KCNQ1OT1: variants seen among roughly 807,000 people sequenced by gnomAD.
KCNQ1OT1 encodes the protein KCNQ1 antisense RNA 2 (non-protein coding).
rs954873286 is a variant in KCNQ1OT1 at position 2,658,674 on chromosome 11, G to A, written n.41321C>T. ...TCATTGCTTCAGTCTCCTCTCAGTG[G>A]ACAGAGCTAGGAAATATATGTATGT... On this transcript the variant is annotated non_coding_transcript_exon_variant, in exon 1 of 1. Transcript: ENST00000597346. The surrounding 1 kb of genome is among the most constrained non-coding windows in gnomAD (Gnocchi z 4.9). 7.5e-6 allele frequency: 3 copies of A among 398,416 alleles called. No individual in the cohort carries two copies. Among genetic ancestry groups the A allele is most frequent in the Non-Finnish European group, 1.3e-5 (3 of 226,022 alleles). 24.7% of individuals were successfully genotyped at this position (398,416 alleles called of 1,614,324 possible).
rs1261898235 is a variant in KCNQ1OT1, at chr11:2,645,334, T to A, written n.54661A>T. The A allele has an allele frequency of 2.5e-6, 1 of 398,486 alleles. No individual in the cohort carries two copies. Among genetic ancestry groups the A allele is most frequent in the African/African-American group, 2.1e-5 (1 of 48,570 alleles). 24.7% of individuals were successfully genotyped at this position (398,486 alleles called of 1,614,324 possible). A position where few individuals can be genotyped will look rare whatever the true frequency, so the allele number is the denominator to read the frequency against. ...AACAATACTGGATAGGGCAGGGTGA[T>A]CCCTAGGCCCAGAGATGGTATGCGC... On this transcript the variant is annotated non_coding_transcript_exon_variant, in exon 1 of 1. Transcript: ENST00000597346. This position sits in a 1 kb window ranked among gnomAD's most constrained non-coding sequence, Gnocchi z 5.8.
chr11:2,617,612 T>C lies in KCNQ1OT1; in HGVS notation n.82383A>G. On this transcript the variant is annotated non_coding_transcript_exon_variant, in exon 1 of 1. Coordinates refer to ENST00000597346, the Ensembl canonical transcript of KCNQ1OT1. The surrounding 1 kb of genome is among the most constrained non-coding windows in gnomAD (Gnocchi z 4.6). Reference sequence around the variant, plus strand: ...GATTAGTGGGTCAGATGATAGTATATTTTCAATTTCTTTAGGAGCCACCAT... The same window carrying C: ...GATTAGTGGGTCAGATGATAGTATACTTTCAATTTCTTTAGGAGCCACCAT... 2 of 398,456 alleles carry C rather than the reference T, an allele frequency of 5.0e-6. No individual in the cohort carries two copies. Among genetic ancestry groups the C allele is most frequent in the South Asian group, 1.3e-4 (1 of 7,860 alleles). The allele number at this position is 398,456 out of a possible 1,614,324, so 24.7% of individuals were successfully genotyped here.
rs987546627 is a variant in KCNQ1OT1 at position 2,663,815 on chromosome 11, T to C, written n.36180A>G. ...AAATCACCACTATGGGGGTGAGGGC[T>C]GCCAGTGCTGGTATCAGCACATGCC... On this transcript the variant is annotated non_coding_transcript_exon_variant, in exon 1 of 1. Coordinates refer to ENST00000597346, the Ensembl canonical transcript of KCNQ1OT1. The surrounding 1 kb of genome is among the most constrained non-coding windows in gnomAD (Gnocchi z 5.2). The C allele has an allele frequency of 2.5e-6, 1 of 398,686 alleles. No homozygotes were observed. The highest frequency in any genetic ancestry group is 1.3e-4 in the South Asian group (1 of 7,854). 24.7% of individuals were successfully genotyped at this position (398,686 alleles called of 1,614,324 possible). A position where few individuals can be genotyped will look rare whatever the true frequency, so the allele number is the denominator to read the frequency against.
In KCNQ1OT1 at chr11:2,683,956, TTTAC is replaced by T. The variant is rs1262351898; in HGVS notation, n.16035_16038del. ...AGTCAGACAAAACCAGCTGACTGCTTTTACTTTTTTTTTTTTTTCATTTAGAAGA... is the reference window on the plus strand; with the variant it reads ...AGTCAGACAAAACCAGCTGACTGCTTTTTTTTTTTTTTTTCATTTAGAAGA... On this transcript the variant is annotated non_coding_transcript_exon_variant, in exon 1 of 1. Transcript: ENST00000597346. This position sits in a 1 kb window ranked among gnomAD's most constrained non-coding sequence, Gnocchi z 4.7. 2.5e-6 allele frequency: 1 copy of T among 396,162 alleles called. No individual in the cohort carries two copies. The highest frequency in any genetic ancestry group is 4.4e-6 in the Non-Finnish European group (1 of 225,828). The allele number at this position is 396,162 out of a possible 1,614,324, so 24.5% of individuals were successfully genotyped here.
rs1471269455 is a variant in KCNQ1OT1, at chr11:2,620,185, G to A, written n.79810C>T. 2.6e-5 allele frequency: 10 copies of A among 387,658 alleles called. No individual in the cohort carries two copies. The highest frequency in any genetic ancestry group is 4.5e-5 in the Admixed American group (1 of 22,232). 24.0% of individuals were successfully genotyped at this position (387,658 alleles called of 1,614,324 possible). A position where few individuals can be genotyped will look rare whatever the true frequency, so the allele number is the denominator to read the frequency against. ...CTGCATCCATGTTGCTGCAAAGGACGTAAGTTCATTCATGTATATATATAT... is the reference window on the plus strand; with the variant it reads ...CTGCATCCATGTTGCTGCAAAGGACATAAGTTCATTCATGTATATATATAT... On this transcript the variant is annotated non_coding_transcript_exon_variant, in exon 1 of 1. Coordinates refer to ENST00000597346, the Ensembl canonical transcript of KCNQ1OT1. The surrounding 1 kb of genome is among the most constrained non-coding windows in gnomAD (Gnocchi z 4.5).
Position 2,627,493 on chromosome 11 carries a change from C to G in KCNQ1OT1, n.72502G>C. On this transcript the variant is annotated non_coding_transcript_exon_variant, in exon 1 of 1. Coordinates refer to ENST00000597346, the Ensembl canonical transcript of KCNQ1OT1. This position sits in a 1 kb window ranked among gnomAD's most constrained non-coding sequence, Gnocchi z 4.9. The stretch of plus-strand genomic sequence containing the variant: ...GACCCCTAGTAACCACCCTTCTACT[C>G]TCCGTTTCTCTGAGTTCAAGCTTTT... The G allele has an allele frequency of 2.5e-6, 1 of 398,550 alleles. No homozygotes were observed. The highest frequency in any genetic ancestry group is 4.4e-5 in the Admixed American group (1 of 22,730). 24.7% of individuals were successfully genotyped at this position (398,550 alleles called of 1,614,324 possible).
Position 2,621,503 on chromosome 11 carries a change from T to A in KCNQ1OT1, n.78492A>T, listed in dbSNP as rs1302905982. 3 of 398,466 alleles carry A rather than the reference T, an allele frequency of 7.5e-6. No individual in the cohort carries two copies. The highest frequency in any genetic ancestry group is 6.2e-5 in the African/African-American group (3 of 48,638). The allele number at this position is 398,466 out of a possible 1,614,324, so 24.7% of individuals were successfully genotyped here. A position where few individuals can be genotyped will look rare whatever the true frequency, so the allele number is the denominator to read the frequency against. On this transcript the variant is annotated non_coding_transcript_exon_variant, in exon 1 of 1. Transcript: ENST00000597346. The surrounding 1 kb of genome is among the most constrained non-coding windows in gnomAD (Gnocchi z 5.7). ...TTTCTCCCATTCTATATGTTGTCTG[T>A]TTACTCTGTTGATAATTTCTTTTGC...
In KCNQ1OT1 at chr11:2,620,345, T is replaced by C. The variant is rs934451681; in HGVS notation, n.79650A>G. 4.5e-5 allele frequency: 9 copies of C among 201,230 alleles called. No homozygotes were observed. The highest frequency in any genetic ancestry group is 7.8e-5 in the Non-Finnish European group (8 of 102,262). 12.5% of individuals were successfully genotyped at this position (201,230 alleles called of 1,614,324 possible). A position where few individuals can be genotyped will look rare whatever the true frequency, so the allele number is the denominator to read the frequency against. On this transcript the variant is annotated non_coding_transcript_exon_variant, in exon 1 of 1. Coordinates refer to ENST00000597346, the Ensembl canonical transcript of KCNQ1OT1. The surrounding 1 kb of genome is among the most constrained non-coding windows in gnomAD (Gnocchi z 4.5). ...GATTCTCCTGCCTCAGCCTCCTGAG[T>C]AGCTGGGATTAGAGGCATGCGCCAC...
chr11:2,612,324 C>T lies in KCNQ1OT1; in HGVS notation n.87671G>A. 1 of 398,636 alleles carries T rather than the reference C, an allele frequency of 2.5e-6. No homozygotes were observed. The highest frequency in any genetic ancestry group is 4.4e-6 in the Non-Finnish European group (1 of 226,086). The allele number at this position is 398,636 out of a possible 1,614,324, so 24.7% of individuals were successfully genotyped here. Reference sequence around the variant, plus strand: ...CCGTATGAGAATCTAACTAAAGCCTCCCCCAACTGGCTGTGGAAAAATTGT... The same window carrying T: ...CCGTATGAGAATCTAACTAAAGCCTTCCCCAACTGGCTGTGGAAAAATTGT... On this transcript the variant is annotated non_coding_transcript_exon_variant, in exon 1 of 1. Coordinates refer to ENST00000597346, the Ensembl canonical transcript of KCNQ1OT1. This position sits in a 1 kb window ranked among gnomAD's most constrained non-coding sequence, Gnocchi z 5.5.
exon 1 of KCNQ1OT1, chr11:2,681,116 C>G (rs565554114): frequency 5.0e-6 from 2 of 398,368 alleles, no homozygotes; most frequent in Admixed American, 8.8e-5. Context: ...AGATGCCCCC[C>G]AAAAAAGCAC....
rs373888065 is a variant in KCNQ1OT1 at position 2,683,182 on chromosome 11, G to A, written n.16813C>T. On this transcript the variant is annotated non_coding_transcript_exon_variant, in exon 1 of 1. Transcript: ENST00000597346. This position sits in a 1 kb window ranked among gnomAD's most constrained non-coding sequence, Gnocchi z 4.7. ...TGGGTATTAGCATCTGCATTAAAAG[G>A]CTCCCACTGACAGCTCATGCATTGT... 30 of 398,632 alleles carry A rather than the reference G, an allele frequency of 7.5e-5. No homozygotes were observed. Among genetic ancestry groups the A allele is most frequent in the African/African-American group, 5.7e-4 (28 of 48,740 alleles). 24.7% of individuals were successfully genotyped at this position (398,632 alleles called of 1,614,324 possible).
chr11:2,654,842 T>G lies in KCNQ1OT1; in HGVS notation n.45153A>C. ...GATAGGAGAGCTCTATGTAGCCTCA[T>G]GGGCAGCTCCAGGCCAGGTGGAGGG... On this transcript the variant is annotated non_coding_transcript_exon_variant, in exon 1 of 1. Transcript: ENST00000597346. The surrounding 1 kb of genome is among the most constrained non-coding windows in gnomAD (Gnocchi z 6.4). The G allele has an allele frequency of 2.5e-6, 1 of 398,568 alleles. No homozygotes were observed. Among genetic ancestry groups the G allele is most frequent in the Non-Finnish European group, 4.4e-6 (1 of 226,078 alleles). 24.7% of individuals were successfully genotyped at this position (398,568 alleles called of 1,614,324 possible).
Position 2,652,644 on chromosome 11 carries a change from T to G in KCNQ1OT1, n.47351A>C, listed in dbSNP as rs1289181169. 2 of 398,644 alleles carry G rather than the reference T, an allele frequency of 5.0e-6. No individual in the cohort carries two copies. Among genetic ancestry groups the G allele is most frequent in the Admixed American group, 4.4e-5 (1 of 22,722 alleles). 24.7% of individuals were successfully genotyped at this position (398,644 alleles called of 1,614,324 possible). ...TTGGGAGACCTAGACAGTGACTTCCTGCAGCATGGAGACCCGGGTGGGTCG... is the reference window on the plus strand; with the variant it reads ...TTGGGAGACCTAGACAGTGACTTCCGGCAGCATGGAGACCCGGGTGGGTCG... On this transcript the variant is annotated non_coding_transcript_exon_variant, in exon 1 of 1. Coordinates refer to ENST00000597346, the Ensembl canonical transcript of KCNQ1OT1. This position sits in a 1 kb window ranked among gnomAD's most constrained non-coding sequence, Gnocchi z 5.9.
At chr11:2,646,406 G>A in exon 1 of KCNQ1OT1, 1 of 398,508 alleles carries the variant, frequency 2.5e-6, no homozygotes, top group African/African-American at 2.1e-5. Flanking sequence ...TTTTCATTGT[G>A]GAAATCTTTC....
chr11:2,668,869 T>C lies in KCNQ1OT1; in HGVS notation n.31126A>G, dbSNP rs554379775. 147 of 398,532 alleles carry C rather than the reference T, an allele frequency of 3.7e-4. No homozygotes were observed. The highest frequency in any genetic ancestry group is 2.2e-3 in the East Asian group (61 of 28,092). The allele number at this position is 398,532 out of a possible 1,614,324, so 24.7% of individuals were successfully genotyped here. A position where few individuals can be genotyped will look rare whatever the true frequency, so the allele number is the denominator to read the frequency against. ...CTGTTTGTGTCCTATTTAAGAAACTTTGACTACTCCAAGGTCATAAAGATA... is the reference window on the plus strand; with the variant it reads ...CTGTTTGTGTCCTATTTAAGAAACTCTGACTACTCCAAGGTCATAAAGATA... On this transcript the variant is annotated non_coding_transcript_exon_variant, in exon 1 of 1. Transcript: ENST00000597346. This position sits in a 1 kb window ranked among gnomAD's most constrained non-coding sequence, Gnocchi z 4.3.
Position 2,673,050 on chromosome 11 carries a change from G to T in KCNQ1OT1, n.26945C>A. 5.0e-6 allele frequency: 2 copies of T among 398,758 alleles called. No individual in the cohort carries two copies. The highest frequency in any genetic ancestry group is 8.8e-6 in the Non-Finnish European group (2 of 226,162). 24.7% of individuals were successfully genotyped at this position (398,758 alleles called of 1,614,324 possible). ...ATATAGGGTCTAGGGCTGGCCAAAA[G>T]GGACAGTGAAGTTGGCTTCTCAGGC... is the stretch of plus-strand genomic sequence containing the variant. On this transcript the variant is annotated non_coding_transcript_exon_variant, in exon 1 of 1. Coordinates refer to ENST00000597346, the Ensembl canonical transcript of KCNQ1OT1. This position sits in a 1 kb window ranked among gnomAD's most constrained non-coding sequence, Gnocchi z 4.5.
exon 1 of KCNQ1OT1, chr11:2,662,774 C>T (rs1445009106): frequency 1.5e-5 from 6 of 399,098 alleles, no homozygotes; most frequent in Admixed American, 4.4e-5. Context: ...TGGGGATTCC[C>T]CTTGATAAAT....
exon 1 of KCNQ1OT1, chr11:2,630,010 A>T (rs961645951): frequency 2.5e-6 from 1 of 397,098 alleles, no homozygotes. Context: ...CTTAGAGGAG[A>T]GGCATTCAGC....
chr11:2,614,924 A>G, exon 1 of KCNQ1OT1: 1 of 398,444 alleles, frequency 2.5e-6, no homozygotes, highest in Non-Finnish European at 4.4e-6. Flanking sequence ...ACATTTCTGC[A>G]AATAAAAAGG....
Sources: gnomAD v4.1 joint callset for allele counts on GRCh38, gnomAD v4.1.1 for gene constraint, Gnocchi (gnomAD v3.1) non-coding constraint, MANE v1.5 for transcripts, NCBI Gene and HGNC (gene_info 2026-07-23, HGNC 2026-07-21) for gene names.